The following KAZN variants were observed in gnomAD, a reference collection of about 807,000 sequenced individuals.
The protein encoded by KAZN is kazrin, periplakin interacting protein.
Under a neutral mutation model 87.4 loss-of-function variants are expected in KAZN, and 40 were observed. That is an observed-to-expected ratio of 0.46 (90% CI 0.36 to 0.60). KAZN has a LOEUF of 0.60. Ranked by LOEUF, KAZN falls within the 20% of genes least tolerant of loss-of-function variation. The pLI, the probability that KAZN is intolerant of heterozygous loss-of-function variation, is 0.00. For synonymous variants in KAZN, 466 were observed against 458.3 expected (o/e 1.02, Z -0.22); for missense variants, 898 against 1,073.9 (o/e 0.84, Z 2.29).
At chr1:14,023,796 C>T (rs1446253579) in intron 1 of KAZN, among the ~76,000 whole-genome samples, 3 of 152,166 alleles carry the variant, frequency 2.0e-5, no homozygotes, top group Admixed American at 6.5e-5. Context: ...AGTTCCGGCT[C>T]TGCTGATCTG....
chr1:14,719,708 A>C (rs1203967702), intron 1 of KAZN, among the ~76,000 whole-genome samples: 2 of 152,228 alleles, frequency 1.3e-5, no homozygotes, highest in East Asian at 3.9e-4. Flanking sequence ...GTGTGGTGGC[A>C]CACACCTGTA....
chr1:14,253,772 A>G (rs370654188), intron 2 of KAZN, among the ~76,000 whole-genome samples: 1 of 152,092 alleles, frequency 6.6e-6, no homozygotes, highest in African/African-American at 2.4e-5. Context: ...TCTTTGGCAT[A>G]CAAAATAGGC....
chr1:14,716,387 C>G (rs147538121), intron 1 of KAZN, among the ~76,000 whole-genome samples: 53 of 152,310 alleles, frequency 3.5e-4, no homozygotes, highest in Non-Finnish European at 7.1e-4. Flanking sequence ...CAGCTCTTTC[C>G]TCTCCCTCAC....
intron 2 of KAZN, among the ~76,000 whole-genome samples, chr1:14,539,422 T>C (rs1177188400): frequency 6.6e-6 from 1 of 152,110 alleles, no homozygotes; most frequent in Non-Finnish European, 1.5e-5. Context: ...TAGACTTGAG[T>C]TAGTAGTAAT....
intron 1 of KAZN, among the ~76,000 whole-genome samples, chr1:14,700,053 C>T (rs1641836418): frequency 6.6e-6 from 1 of 152,110 alleles, no homozygotes; most frequent in South Asian, 2.1e-4. Context: ...GCCTCCATCA[C>T]AAGCAAGGGG....
At chr1:14,365,138 G>T (rs1248251730) in intron 2 of KAZN, among the ~76,000 whole-genome samples, 1 of 151,812 alleles carries the variant, frequency 6.6e-6, no homozygotes, top group Non-Finnish European at 1.5e-5. Context: ...CCGCCTCCCG[G>T]GTTCAAGCCA....
Position 14,250,276 on chromosome 1 carries a change from T to G in KAZN, c.249+69684T>G, listed in dbSNP as rs117021249. Reference sequence around the variant, plus strand: ...TGCTAATCATTACGTTTTACTCAAATAATACAATATAAAGCCCCCAAGCTC... The same window carrying G: ...TGCTAATCATTACGTTTTACTCAAAGAATACAATATAAAGCCCCCAAGCTC... On this transcript the variant is annotated intron_variant, in intron 2 of 16. Transcript: ENST00000636203. Among the ~76,000 whole-genome samples, 17 of 152,208 alleles carry G rather than the reference T, an allele frequency of 1.1e-4. No homozygotes were observed. In the East Asian group the frequency reaches 3.1e-3, roughly 28 times the overall value.
At chr1:14,389,832 G>A (rs1662265017) in intron 2 of KAZN, among the ~76,000 whole-genome samples, 1 of 152,046 alleles carries the variant, frequency 6.6e-6, no homozygotes. Flanking sequence ...TAATTTAATT[G>A]CACATTTAAA....
At position 14,171,189 on chromosome 1, in the gene KAZN, C is replaced by G. The variant is rs138651361; in HGVS notation, c.92-9246C>G. Among the ~76,000 whole-genome samples, 219 of 152,294 alleles carry G rather than the reference C, an allele frequency of 1.4e-3. 1 individual carries two copies. The highest frequency in any genetic ancestry group is 4.9e-3 in the African/African-American group (204 of 41,558). ...TACCACATTTTGTTAGTCCATGTAT[C>G]AGTTGATGGGAATTTGGGTTGTTTC... On this transcript the variant is annotated intron_variant, in intron 1 of 16. Coordinates refer to the KAZN transcript ENST00000636203.
intron 1 of KAZN, among the ~76,000 whole-genome samples, chr1:14,092,462 A>G (rs547078367): frequency 1.3e-5 from 2 of 150,192 alleles, no homozygotes; most frequent in Non-Finnish European, 3.0e-5. Flanking sequence ...TAAATAAATT[A>G]TATATATATA....
At chr1:14,472,220 A>G (rs1668495138) in intron 2 of KAZN, among the ~76,000 whole-genome samples, 1 of 152,118 alleles carries the variant, frequency 6.6e-6, no homozygotes, top group South Asian at 2.1e-4. Flanking sequence ...CACATTGTAG[A>G]TTAGGTTTCA....
In KAZN at chr1:15,065,610, C is replaced by T. The variant is rs199935498; in HGVS notation, c.1099-20C>T. ...TCTTCTTCTCCCCCACCCTCTTCCA[C>T]GTGGCTCCTGACTCCTCAGTCACTA... is the stretch of plus-strand genomic sequence containing the variant. On this transcript the variant is annotated intron_variant, in intron 7 of 14. Transcript: ENST00000376030. The T allele has an allele frequency of 6.5e-4, 1,039 of 1,588,866 alleles. 11 individuals are homozygous for T. In the South Asian group the frequency reaches 1.0e-2, roughly 15 times the overall value.
chr1:14,572,872 T>TAAA (rs1157250277), intron 2 of KAZN, among the ~76,000 whole-genome samples: 93 of 152,336 alleles, frequency 6.1e-4, no homozygotes, highest in Non-Finnish European at 7.3e-4. Flanking sequence ...GATTAAACAT[T>TAAA]TATGTAAGTA....
intron 1 of KAZN, among the ~76,000 whole-genome samples, chr1:14,852,891 C>T (rs1649630358): frequency 6.6e-6 from 1 of 152,206 alleles, no homozygotes; most frequent in Non-Finnish European, 1.5e-5. Context: ...TCTCAGACCC[C>T]TCCCAGACCT....
At chr1:15,000,567 C>T (rs926114099) in intron 2 of KAZN, among the ~76,000 whole-genome samples, 13 of 151,744 alleles carry the variant, frequency 8.6e-5, no homozygotes, top group African/African-American at 2.9e-4. Flanking sequence ...AAATGCTGCC[C>T]GGCCACTGTA....
In KAZN at chr1:14,156,909, T is replaced by G. The variant is rs375652651; in HGVS notation, c.92-23526T>G. Among the ~76,000 whole-genome samples the G allele has an allele frequency of 1.2e-3, 171 of 137,424 alleles. 1 individual carries two copies. The highest frequency in any genetic ancestry group is 7.5e-3 in the Middle Eastern group (2 of 268). 90.2% of individuals were successfully genotyped at this position (137,424 alleles called of 152,430 possible). A position where few individuals can be genotyped will look rare whatever the true frequency, so the allele number is the denominator to read the frequency against. On this transcript the variant is annotated intron_variant, in intron 1 of 16. Coordinates refer to the KAZN transcript ENST00000636203. ...GTTTTCTGGTTGTTTTGTGGTCTTTTGTTTTTTTTTTTTTTTTCCTTGTCT... is the reference window on the plus strand; with the variant it reads ...GTTTTCTGGTTGTTTTGTGGTCTTTGGTTTTTTTTTTTTTTTTCCTTGTCT...
intron 1 of KAZN, among the ~76,000 whole-genome samples, chr1:13,915,707 G>A (rs1227248336): frequency 6.6e-6 from 1 of 152,194 alleles, no homozygotes; most frequent in Admixed American, 6.5e-5. Context: ...AGGTCATGAG[G>A]CCAAAGACCT....
intron 1 of KAZN, among the ~76,000 whole-genome samples, chr1:14,891,429 G>A (rs1274209065): frequency 6.6e-6 from 1 of 152,146 alleles, no homozygotes; most frequent in Non-Finnish European, 1.5e-5. Context: ...CCATTCCTGA[G>A]TTACTTCACT....
intron 2 of KAZN, among the ~76,000 whole-genome samples, chr1:15,027,465 C>T (rs1413673368): frequency 2.0e-5 from 3 of 152,108 alleles, no homozygotes; most frequent in African/African-American, 4.8e-5. Context: ...ATTCTTGCCT[C>T]GTCTCTGGGC....
Sources: gnomAD v4.1 joint callset for allele counts (sites outside exome capture counted in the v4.1 genomes callset) on GRCh38, gnomAD v4.1.1 for gene constraint, MANE v1.5 for transcripts, NCBI Gene and HGNC (gene_info 2026-07-23, HGNC 2026-07-21) for gene names.